Variants in KLHL36 observed in about 807,000 individuals in gnomAD.
The protein encoded by KLHL36 is kelch-like protein 36.
KLHL36 carries 35 observed loss-of-function variants against 53.3 expected under a neutral mutation model. That is an observed-to-expected ratio of 0.66 (90% CI 0.50 to 0.87). The LOEUF is 0.87. KLHL36 is among the 40% of genes least tolerant of loss of function. The pLI is 0.00. For missense variants in KLHL36, 864 were observed against 897.6 expected, an observed-to-expected ratio of 0.96 and a Z score of 0.48; for synonymous variants, 472 against 398.9, an observed-to-expected ratio of 1.18 and a Z score of -2.18.
At chr16:84,655,629 A>G (rs1907154791) in intron 2 of KLHL36, among the ~76,000 whole-genome samples, 1 of 150,930 alleles carries the variant, frequency 6.6e-6, no homozygotes, top group Non-Finnish European at 1.5e-5. Flanking sequence ...ACTTGAGCCC[A>G]GGAGGTCAAG....
At chr16:84,650,334 G>A (rs937448412) in intron 1 of KLHL36, among the ~76,000 whole-genome samples, 3 of 152,108 alleles carry the variant, frequency 2.0e-5, no homozygotes, top group Non-Finnish European at 4.4e-5. Flanking sequence ...ATTCAGCAGC[G>A]TGTCATGGTG....
At position 84,664,045 on chromosome 16, in the gene KLHL36, T is replaced by C. The variant is rs2150731304; in HGVS notation, c.*1912T>C. On this transcript the variant is annotated 3_prime_UTR_variant, in exon 5 of 5. Coordinates refer to ENST00000564996, the MANE Select transcript of KLHL36 (RefSeq NM_024731.4). ...TGGAGCTCTGCAGCATTCCGGTGTA[T>C]GAAAGGTTCCGAGAAGTCTCAACCC... 3 of 152,358 alleles carry C rather than the reference T, an allele frequency of 2.0e-5. No homozygotes were observed. Among genetic ancestry groups the C allele is most frequent in the Middle Eastern group, 6.8e-3 (2 of 292 alleles). 9.4% of individuals were successfully genotyped at this position (152,358 alleles called of 1,614,324 possible). A position where few individuals can be genotyped will look rare whatever the true frequency, so the allele number is the denominator to read the frequency against.
rs181315242 is a variant in KLHL36 at position 84,655,725 on chromosome 16, G to A, written c.64-1146G>A. Among the ~76,000 whole-genome samples the A allele has an allele frequency of 8.1e-3, 1,189 of 147,296 alleles. 12 individuals are homozygous for A. The highest frequency in any genetic ancestry group is 0.028 in the African/African-American group (1,137 of 40,286). Reference sequence around the variant, plus strand: ...TCTCAAAAAAAAAAAAAAAAAAGTCGAACCACATAGCTGCTAATACCTAAT... The same window carrying A: ...TCTCAAAAAAAAAAAAAAAAAAGTCAAACCACATAGCTGCTAATACCTAAT... On this transcript the variant is annotated intron_variant, in intron 2 of 4. Coordinates refer to ENST00000564996, the MANE Select transcript of KLHL36 (RefSeq NM_024731.4).
At chr16:84,652,148 AC>A (rs1906924805) in intron 2 of KLHL36, among the ~76,000 whole-genome samples, 1 of 152,236 alleles carries the variant, frequency 6.6e-6, no homozygotes, top group African/African-American at 2.4e-5. Flanking sequence ...CTTGGGAGAC[AC>A]TGCTGCTTTC....
chr16:84,660,871 C>G (rs940906873), intron 4 of KLHL36, among the ~76,000 whole-genome samples: 1 of 152,166 alleles, frequency 6.6e-6, no homozygotes, highest in Middle Eastern at 3.2e-3. Context: ...ATCCACCCAC[C>G]TCACCCTCAC....
Position 84,661,442 on chromosome 16 carries a change from T to A in KLHL36, c.1296-136T>A, listed in dbSNP as rs1054219920. On this transcript the variant is annotated intron_variant, in intron 4 of 4. Transcript: ENST00000564996. The surrounding 1 kb of genome is among the most constrained non-coding windows in gnomAD (Gnocchi z 7.9). ...CTAATGACGGCTACTGTCTATAGAGTGTTCATGGGGTGCCCACTCCCTATA... is the reference window on the plus strand; with the variant it reads ...CTAATGACGGCTACTGTCTATAGAGAGTTCATGGGGTGCCCACTCCCTATA... 3.7e-6 allele frequency: 3 copies of A among 808,616 alleles called. No individual in the cohort carries two copies. The African/African-American group carries it at 5.2e-5, about 14-fold the overall frequency. 50.1% of individuals were successfully genotyped at this position (808,616 alleles called of 1,614,324 possible).
At chr16:84,660,217 G>A (rs867208296) in intron 4 of KLHL36, among the ~76,000 whole-genome samples, 1 of 152,178 alleles carries the variant, frequency 6.6e-6, no homozygotes, top group Admixed American at 6.5e-5. Context: ...ATCTCCCTGA[G>A]CTTGGGCAGG....
At position 84,661,815 on chromosome 16, in the gene KLHL36, C is replaced by T. The variant is rs751379028; in HGVS notation, c.1533C>T (p.Phe511=). The T allele has an allele frequency of 3.7e-6, 6 of 1,609,290 alleles. No homozygotes were observed. The highest frequency in any genetic ancestry group is 2.7e-5 in the African/African-American group (2 of 74,832). ...SDDNIESMER[F]DVLGVEAYSP... ...ACAACATCGAGTCCATGGAGCGCTT[C>T]GACGTGCTGGGCGTGGAGGCCTACA... Residue 511 remains phenylalanine, a synonymous_variant, in exon 5 of 5, where the codon TTC becomes TTT. Coordinates refer to ENST00000564996, the MANE Select transcript of KLHL36 (RefSeq NM_024731.4). This position sits in a 1 kb window ranked among gnomAD's most constrained non-coding sequence, Gnocchi z 7.9.
rs1419546538 is a variant in KLHL36, at chr16:84,664,112, A to C, written c.*1979A>C. The C allele has an allele frequency of 1.3e-5, 2 of 152,226 alleles. No individual in the cohort carries two copies. The highest frequency in any genetic ancestry group is 2.4e-5 in the African/African-American group (1 of 41,446). 9.4% of individuals were successfully genotyped at this position (152,226 alleles called of 1,614,324 possible). ...TTTGAGCCTAAAAGTCGTTTGTCTC[A>C]TACCTAGTCCCAGACCCCCACAAAA... On this transcript the variant is annotated 3_prime_UTR_variant, in exon 5 of 5. Coordinates refer to ENST00000564996, the MANE Select transcript of KLHL36 (RefSeq NM_024731.4).
chr16:84,650,953 C>T (rs1268476480), intron 2 of KLHL36, 23 bp downstream of exon 2: 2 of 1,579,204 alleles, frequency 1.3e-6, no homozygotes, highest in South Asian at 1.2e-5. Context: ...TCACTCACCA[C>T]CTATGCAAAT....
chr16:84,652,122 T>C (rs373094332), intron 2 of KLHL36, among the ~76,000 whole-genome samples: 3 of 152,148 alleles, frequency 2.0e-5, no homozygotes, highest in South Asian at 4.2e-4. Context: ...CACAAGGGCT[T>C]TGTTTGGGAG....
In KLHL36 at chr16:84,666,789, C is replaced by T. The variant is rs1907857353; in HGVS notation, c.*4656C>T. ...GGTCTCAAGAAATTGTCCTTTGGGGCCGGGCGCAGTGGCTCACGCCTGTAC... is the reference window on the plus strand; with the variant it reads ...GGTCTCAAGAAATTGTCCTTTGGGGTCGGGCGCAGTGGCTCACGCCTGTAC... On this transcript the variant is annotated 3_prime_UTR_variant, in exon 5 of 5. Coordinates refer to ENST00000564996, the MANE Select transcript of KLHL36 (RefSeq NM_024731.4). The T allele has an allele frequency of 6.6e-6, 1 of 151,968 alleles. No homozygotes were observed. Among genetic ancestry groups the T allele is most frequent in the Non-Finnish European group, 1.5e-5 (1 of 68,020 alleles). 9.4% of individuals were successfully genotyped at this position (151,968 alleles called of 1,614,324 possible). A position where few individuals can be genotyped will look rare whatever the true frequency, so the allele number is the denominator to read the frequency against.
In KLHL36 at chr16:84,665,400, A is replaced by G. The variant is rs1157562921; in HGVS notation, c.*3267A>G. 6.6e-6 allele frequency: 1 copy of G among 152,228 alleles called. No homozygotes were observed. The highest frequency in any genetic ancestry group is 1.5e-5 in the Non-Finnish European group (1 of 68,034). The allele number at this position is 152,228 out of a possible 1,614,324, so 9.4% of individuals were successfully genotyped here. ...CAAGTTGGAAAGCTGTTTGCTTAAG[A>G]CATAGATGTATTATAATAATAGAAG... On this transcript the variant is annotated 3_prime_UTR_variant, in exon 5 of 5. Coordinates refer to ENST00000564996, the MANE Select transcript of KLHL36 (RefSeq NM_024731.4).
In KLHL36 at chr16:84,659,698, G is replaced by A. The variant is rs753762309; in HGVS notation, c.1138-62G>A. 56 of 1,546,486 alleles carry A rather than the reference G, an allele frequency of 3.6e-5. No homozygotes were observed. The Middle Eastern group carries it at 5.1e-4, about 14-fold the overall frequency. The stretch of plus-strand genomic sequence containing the variant: ...CGCAGACACATTTGGGAACCGCAGC[G>A]CCAGATGTTGATGCTGTCCCGGGTT... On this transcript the variant is annotated intron_variant, in intron 3 of 4. Transcript: ENST00000564996.
At position 84,664,326 on chromosome 16, in the gene KLHL36, A is replaced by C. The variant is rs1385996884; in HGVS notation, c.*2193A>C. ...AATCTCGGGGCAAGTTGGGGAGAGC[A>C]CATAGAAAGACTCTGTGAGTGATTT... On this transcript the variant is annotated 3_prime_UTR_variant, in exon 5 of 5. Coordinates refer to ENST00000564996, the MANE Select transcript of KLHL36 (RefSeq NM_024731.4). 6.6e-6 allele frequency: 1 copy of C among 152,230 alleles called. No individual in the cohort carries two copies. The highest frequency in any genetic ancestry group is 1.5e-5 in the Non-Finnish European group (1 of 68,084). 9.4% of individuals were successfully genotyped at this position (152,230 alleles called of 1,614,324 possible).
intron 1 of KLHL36, among the ~76,000 whole-genome samples, chr16:84,650,482 G>C (rs1462951260): frequency 6.6e-6 from 1 of 152,076 alleles, no homozygotes; most frequent in South Asian, 2.1e-4. Context: ...TCTTTGTGGG[G>C]GTTAAATGAG....
In KLHL36 at chr16:84,656,949, G is replaced by A. The variant is rs373325675; in HGVS notation, c.142G>A (p.Val48Ile). 104 of 1,613,520 alleles carry A rather than the reference G, an allele frequency of 6.4e-5. No individual in the cohort carries two copies. The highest frequency in any genetic ancestry group is 1.6e-4 in the Middle Eastern group (1 of 6,084). Residue 48 changes from valine (V) to isoleucine (I), a missense_variant, in exon 3 of 5, where the codon GTC becomes ATC. Val to Ile is a conservative substitution (Grantham distance 29). Transcript: ENST00000564996. ...GCGTCTCCGCGGGCTCTTCTGCGAC[G>A]TCGTCCTGGTGGCCGATGAGCAGCG... Reference protein sequence around the residue: ...EQRLRGLFCDVVLVADEQRVP... With the variant: ...EQRLRGLFCDIVLVADEQRVP...
chr16:84,649,644 G>A (rs952789353), intron 1 of KLHL36, among the ~76,000 whole-genome samples: 13 of 152,228 alleles, frequency 8.5e-5, no homozygotes, highest in Non-Finnish European at 1.5e-5. Context: ...AGTTTGTCGA[G>A]AGGAATCCAG....
intron 3 of KLHL36, chr16:84,658,977 AG>A (rs1005618358): frequency 6.6e-6 from 1 of 151,534 alleles, no homozygotes; most frequent in Admixed American, 6.6e-5. Flanking sequence ...GTTTAAAAAA[AG>A]AAAAAAAAAA....
Sources: allele counts gnomAD v4.1 joint callset (sites outside exome capture counted in the v4.1 genomes callset), GRCh38; gene constraint gnomAD v4.1.1; non-coding constraint Gnocchi (gnomAD v3.1); transcripts MANE v1.5; gene names NCBI Gene and HGNC (gene_info 2026-07-23, HGNC 2026-07-21).